The following CTNNA2 variants were observed in gnomAD, a reference collection of about 807,000 sequenced individuals.
The protein encoded by CTNNA2 is catenin alpha 2, also known as catenin alpha-2.
Under a neutral mutation model 101.0 loss-of-function variants are expected in CTNNA2, and 42 were observed. That is an observed-to-expected ratio of 0.42 (90% CI 0.32 to 0.54). The LOEUF (loss-of-function observed/expected upper bound fraction) is 0.54. Ranked by LOEUF, CTNNA2 falls within the 20% of genes least tolerant of loss-of-function variation. CTNNA2 has a pLI of 0.14. For synonymous variants in CTNNA2, 450 were observed against 456.4 expected (o/e 0.99, Z 0.18); for missense variants, 871 against 1,223.1 (o/e 0.71, Z 4.29).
chr2:80,097,907 C>G (rs1700266005), intron 7 of CTNNA2, among the ~76,000 whole-genome samples: 1 of 152,122 alleles, frequency 6.6e-6, no homozygotes, highest in Non-Finnish European at 1.5e-5. Context: ...AGCCATGCAC[C>G]TAATTTTTTT....
At chr2:80,300,657 G>A (rs1282320404) in intron 7 of CTNNA2, among the ~76,000 whole-genome samples, 1 of 152,070 alleles carries the variant, frequency 6.6e-6, no homozygotes, top group Non-Finnish European at 1.5e-5. Context: ...ACAGAAAGAT[G>A]CAACTCTTTA....
intron 4 of CTNNA2, chr2:79,498,810 T>G (rs1026888728): frequency 1.1e-4 from 16 of 152,146 alleles, no homozygotes; most frequent in African/African-American, 3.9e-4. Flanking sequence ...TAACAAAAAC[T>G]TCACCTTGGG....
intron 4 of CTNNA2, among the ~76,000 whole-genome samples, chr2:79,866,103 A>G (rs1322367370): frequency 6.6e-6 from 1 of 152,206 alleles, no homozygotes; most frequent in African/African-American, 2.4e-5. Context: ...ACAATATGAC[A>G]CAGTTCTAGA....
chr2:80,050,035 C>T (rs1004979221), intron 7 of CTNNA2, among the ~76,000 whole-genome samples: 2 of 152,108 alleles, frequency 1.3e-5, no homozygotes, highest in Non-Finnish European at 2.9e-5. Flanking sequence ...CTTCCCACCA[C>T]CCCAACACAC....
intron 7 of CTNNA2, among the ~76,000 whole-genome samples, chr2:80,052,019 T>C (rs1696906472): frequency 6.6e-6 from 1 of 152,232 alleles, no homozygotes; most frequent in Admixed American, 6.5e-5. Flanking sequence ...AAGTAGTTGA[T>C]GTAGCTTCTT....
At chr2:79,403,941 G>GT (rs1678314624) in intron 4 of CTNNA2, among the ~76,000 whole-genome samples, 1 of 151,896 alleles carries the variant, frequency 6.6e-6, no homozygotes, top group Non-Finnish European at 1.5e-5. Context: ...CATCCAAACT[G>GT]ATACGATACA....
intron 4 of CTNNA2, among the ~76,000 whole-genome samples, chr2:79,427,213 A>C (rs1678601880): frequency 6.6e-6 from 1 of 152,092 alleles, no homozygotes; most frequent in Non-Finnish European, 1.5e-5. Flanking sequence ...TATTAAAGAG[A>C]ATAATGGTGG....
intron 4 of CTNNA2, among the ~76,000 whole-genome samples, chr2:79,415,740 G>A (rs1678472031): frequency 6.6e-6 from 1 of 152,010 alleles, no homozygotes; most frequent in Admixed American, 6.6e-5. Context: ...GCAAAACTGT[G>A]CTTAAAGTTT....
At chr2:80,090,051 C>G (rs1207702004) in intron 7 of CTNNA2, among the ~76,000 whole-genome samples, 2 of 151,788 alleles carry the variant, frequency 1.3e-5, no homozygotes, top group Non-Finnish European at 2.9e-5. Context: ...AGGGTGTCCT[C>G]AAGAGAGGTC....
intron 4 of CTNNA2, among the ~76,000 whole-genome samples, chr2:79,376,833 G>A (rs904689096): frequency 3.3e-5 from 5 of 152,058 alleles, no homozygotes; most frequent in Non-Finnish European, 5.9e-5. Context: ...TTTTATGGCT[G>A]CATAGTATTC....
At chr2:79,765,044 A>T (rs1673047070) in intron 3 of CTNNA2, among the ~76,000 whole-genome samples, 3 of 152,226 alleles carry the variant, frequency 2.0e-5, no homozygotes, top group African/African-American at 7.2e-5. Context: ...CAGAGCTTCA[A>T]CAAGATATCT....
In CTNNA2 at chr2:80,589,860, CTGTGTGTGTGTGTGTGTG is replaced by C. The variant is rs59206973; in HGVS notation, c.2189+404_2189+421del. Among the ~76,000 whole-genome samples, 1,318 of 140,576 alleles carry C rather than the reference CTGTGTGTGTGTGTGTGTG, an allele frequency of 9.4e-3. 12 individuals are homozygous for C. The highest frequency in any genetic ancestry group is 0.018 in the South Asian group (79 of 4,432). 92.2% of individuals were successfully genotyped at this position (140,576 alleles called of 152,430 possible). ...TATACCTTTGGAAAAATATGTACCT[CTGTGTGTGTGTGTGTGTG>C]TGTGTGTGTGTGTGTGTGTGTGTGT... On this transcript the variant is annotated intron_variant, in intron 15 of 18. Coordinates refer to ENST00000402739, the MANE Select transcript of CTNNA2 (RefSeq NM_001282597.3).
intron 7 of CTNNA2, among the ~76,000 whole-genome samples, chr2:80,109,394 G>T (rs1432034257): frequency 6.6e-6 from 1 of 152,150 alleles, no homozygotes; most frequent in Non-Finnish European, 1.5e-5. Flanking sequence ...CTGGGAGGTG[G>T]AGGTTGCAGT....
chr2:80,350,894 T>G (rs778829753), intron 7 of CTNNA2, among the ~76,000 whole-genome samples: 23 of 152,090 alleles, frequency 1.5e-4, no homozygotes, highest in Non-Finnish European at 2.9e-4. Context: ...CTTTTCAAAA[T>G]GGGGGACTTT....
intron 7 of CTNNA2, among the ~76,000 whole-genome samples, chr2:79,933,553 C>A (rs1333369937): frequency 1.3e-5 from 2 of 151,704 alleles, no homozygotes; most frequent in Non-Finnish European, 2.9e-5. Flanking sequence ...GTCCCGGGTT[C>A]ATGCCATTCT....
At chr2:80,009,051 C>G (rs1464536740) in intron 7 of CTNNA2, among the ~76,000 whole-genome samples, 1 of 152,180 alleles carries the variant, frequency 6.6e-6, no homozygotes, top group African/African-American at 2.4e-5. Flanking sequence ...GAGAAGGCAT[C>G]TTGGGTGGGA....
intron 9 of CTNNA2, among the ~76,000 whole-genome samples, chr2:80,534,129 T>C (rs1054726655): frequency 4.6e-5 from 7 of 152,172 alleles, no homozygotes; most frequent in Non-Finnish European, 8.8e-5. Context: ...AAACAGCATT[T>C]GCTAGTGGTG....
chr2:80,112,187 T>C (rs920789080), intron 7 of CTNNA2, among the ~76,000 whole-genome samples: 78 of 152,232 alleles, frequency 5.1e-4, no homozygotes, highest in Admixed American at 1.4e-3. Flanking sequence ...CTACCTGTTA[T>C]TGTACTGCCT....
At chr2:80,581,183 G>A (rs1695504200) in intron 13 of CTNNA2, among the ~76,000 whole-genome samples, 3 of 152,134 alleles carry the variant, frequency 2.0e-5, no homozygotes, top group African/African-American at 7.2e-5. Flanking sequence ...AGGTAAGATA[G>A]TTTATTTATG....
Sources: allele counts gnomAD v4.1 joint callset (sites outside exome capture counted in the v4.1 genomes callset), GRCh38; gene constraint gnomAD v4.1.1; transcripts MANE v1.5; gene names NCBI Gene and HGNC (gene_info 2026-07-23, HGNC 2026-07-21).